The following FRMD5 variants were observed in gnomAD, a reference collection of about 807,000 sequenced individuals.
FRMD5 encodes FERM domain containing 5.
A neutral mutation model predicts 69.0 loss-of-function variants in FRMD5; 20 were observed. The observed-to-expected ratio is 0.29, with a 90% CI of 0.20 to 0.42. The LOEUF is 0.42. FRMD5 is among the 10% of genes least tolerant of loss of function. The pLI is 1.00. For missense variants in FRMD5, 595 were observed against 708.6 expected, an observed-to-expected ratio of 0.84 and a Z score of 1.82; for synonymous variants, 271 against 260.1, an observed-to-expected ratio of 1.04 and a Z score of -0.40.
rs2077449537 is a variant in FRMD5 at position 44,151,684 on chromosome 15, G to A, written c.102+43269C>T. ...GAACAAACAGAAGCTTCACAACACT[G>A]GATTTGGCAATGATTTTCTGGATAT... On this transcript the variant is annotated intron_variant, in intron 1 of 13. Transcript: ENST00000417257. 2.0e-5 allele frequency among the ~76,000 whole-genome samples: 3 copies of A among 152,022 alleles called. No individual in the cohort carries two copies. The South Asian group carries it at 6.2e-4, about 32-fold the overall frequency.
At chr15:44,114,190 G>C (rs2076837828) in intron 1 of FRMD5, among the ~76,000 whole-genome samples, 1 of 152,142 alleles carries the variant, frequency 6.6e-6, no homozygotes, top group African/African-American at 2.4e-5. Flanking sequence ...GGAGTTTTTA[G>C]AAAGAAGGAG....
chr15:44,182,952 C>T (rs931771387), intron 1 of FRMD5, among the ~76,000 whole-genome samples: 13 of 151,802 alleles, frequency 8.6e-5, no homozygotes, highest in African/African-American at 1.9e-4. Flanking sequence ...CCTGCCACCA[C>T]GCCAGGCTAA....
intron 7 of FRMD5, among the ~76,000 whole-genome samples, chr15:43,897,481 C>T (rs980972793): frequency 8.6e-6 from 1 of 116,418 alleles, no homozygotes; most frequent in Non-Finnish European, 1.7e-5. Context: ...GAGTGACACT[C>T]CATCTCAAAA....
chr15:43,936,484 C>A (rs1313966137), intron 1 of FRMD5, among the ~76,000 whole-genome samples: 1 of 152,190 alleles, frequency 6.6e-6, no homozygotes, highest in African/African-American at 2.4e-5. Flanking sequence ...AGCCACCACG[C>A]CCGGCCAAGA....
At chr15:44,094,217 C>G (rs1362416948) in intron 1 of FRMD5, among the ~76,000 whole-genome samples, 1 of 152,180 alleles carries the variant, frequency 6.6e-6, no homozygotes, top group African/African-American at 2.4e-5. Context: ...ACCAAGTAGA[C>G]TGTGGAACAA....
At chr15:44,066,684 G>C (rs1893325339) in intron 1 of FRMD5, among the ~76,000 whole-genome samples, 1 of 152,186 alleles carries the variant, frequency 6.6e-6, no homozygotes, top group Non-Finnish European at 1.5e-5. Flanking sequence ...TTTTAGGCAG[G>C]AGAGTTAGGT....
chr15:43,931,545 A>G (rs1443665964), intron 1 of FRMD5, among the ~76,000 whole-genome samples: 2 of 151,440 alleles, frequency 1.3e-5, no homozygotes, highest in Non-Finnish European at 2.9e-5. Context: ...CCTTGCTCCA[A>G]CCCTAAGGAC....
intron 1 of FRMD5, among the ~76,000 whole-genome samples, chr15:44,105,747 A>AT (rs1255131861): frequency 1.3e-5 from 2 of 152,066 alleles, no homozygotes; most frequent in East Asian, 1.9e-4. Flanking sequence ...AAATGGACCT[A>AT]TTTTTTACCT....
chr15:44,162,599 G>T (rs966347150), intron 1 of FRMD5, among the ~76,000 whole-genome samples: 1 of 152,024 alleles, frequency 6.6e-6, no homozygotes, highest in Non-Finnish European at 1.5e-5. Flanking sequence ...CGGGCGCGGT[G>T]ACTCACGCCT....
intron 7 of FRMD5, among the ~76,000 whole-genome samples, chr15:43,897,521 G>A (rs964494444): frequency 8.0e-5 from 12 of 150,272 alleles, no homozygotes; most frequent in Admixed American, 7.3e-4. Context: ...AAAAAGTGAG[G>A]GGCAACTCGT....
At chr15:43,874,792 T>C (rs1235490846) in intron 13 of FRMD5, among the ~76,000 whole-genome samples, 3 of 150,800 alleles carry the variant, frequency 2.0e-5, no homozygotes, top group Admixed American at 6.6e-5. Context: ...CCCAGTTACT[T>C]GGTGGGCTGA....
rs16951943 is a variant in FRMD5, at chr15:43,965,158, C to A, written c.103-40849G>T. On this transcript the variant is annotated intron_variant, in intron 1 of 13. Coordinates refer to ENST00000417257, the MANE Select transcript of FRMD5 (RefSeq NM_032892.5). ...CTTATTAATGAAAGATGCACAAAAG[C>A]AAATACAGAGTACAGAGGCAGGGCT... 6.8e-3 allele frequency among the ~76,000 whole-genome samples: 1,028 copies of A among 152,252 alleles called. 17 individuals carry two copies. The highest frequency in any genetic ancestry group is 0.024 in the African/African-American group (977 of 41,534).
chr15:43,902,110 G>T, intron 7 of FRMD5, 65 bp downstream of exon 7: 1 of 1,178,656 alleles, frequency 8.5e-7, no homozygotes, highest in South Asian at 1.2e-5. Context: ...CAGGCATGGG[G>T]GCTCTTGCTC....
chr15:43,982,357 T>C (rs923296187), intron 1 of FRMD5, among the ~76,000 whole-genome samples: 3 of 152,210 alleles, frequency 2.0e-5, no homozygotes, highest in African/African-American at 7.2e-5. Flanking sequence ...GGACAAAACA[T>C]CAATGGAATC....
At chr15:44,011,713 C>G (rs1890730272) in intron 1 of FRMD5, among the ~76,000 whole-genome samples, 1 of 152,044 alleles carries the variant, frequency 6.6e-6, no homozygotes, top group African/African-American at 2.4e-5. Context: ...GGAATACTTG[C>G]ATTTAGGATA....
chr15:44,187,377 T>C (rs1336696478), intron 1 of FRMD5, among the ~76,000 whole-genome samples: 8 of 152,190 alleles, frequency 5.3e-5, no homozygotes. Context: ...TGATTGAAAT[T>C]TACTGACAGG....
chr15:44,156,945 G>A (rs2077538521), intron 1 of FRMD5, among the ~76,000 whole-genome samples: 1 of 152,054 alleles, frequency 6.6e-6, no homozygotes, highest in African/African-American at 2.4e-5. Context: ...GCCCCTTCTA[G>A]ATACATAAGA....
chr15:43,880,845 T>G (rs2088506034), intron 13 of FRMD5, among the ~76,000 whole-genome samples: 1 of 152,172 alleles, frequency 6.6e-6, no homozygotes, highest in Non-Finnish European at 1.5e-5. Context: ...GTACGTCTCT[T>G]TGCATTTGGC....
intron 1 of FRMD5, among the ~76,000 whole-genome samples, chr15:44,130,746 C>A (rs2077087296): frequency 1.3e-5 from 2 of 152,050 alleles, no homozygotes; most frequent in South Asian, 4.1e-4. Context: ...TCTTGTGGAA[C>A]TTTCATTCAT....
Sources: allele counts gnomAD v4.1 joint callset (sites outside exome capture counted in the v4.1 genomes callset), GRCh38; gene constraint gnomAD v4.1.1; transcripts MANE v1.5; gene names NCBI Gene and HGNC (gene_info 2026-07-23, HGNC 2026-07-21).